Variants in EGFLAM observed in about 807,000 individuals in gnomAD.
The protein encoded by EGFLAM is pikachurin.
In EGFLAM, 79 loss-of-function variants were observed where a neutral mutation model predicts 113.1. The ratio of observed to expected loss-of-function variants is 0.70; its 90% CI spans 0.58 to 0.84. EGFLAM has a LOEUF of 0.84. EGFLAM is among the 40% of genes least tolerant of loss of function. The pLI is 0.00. For synonymous variants in EGFLAM, 504 were observed against 487.6 expected (o/e 1.03, Z -0.44); for missense variants, 1,265 against 1,291.6 (o/e 0.98, Z 0.32).
At chr5:38,263,358 A>C (rs1180407592) in intron 1 of EGFLAM, among the ~76,000 whole-genome samples, 3 of 152,196 alleles carry the variant, frequency 2.0e-5, no homozygotes, top group Non-Finnish European at 4.4e-5. Flanking sequence ...GCTACTTGGG[A>C]GGCTGAGGCA....
chr5:38,271,989 G>C (rs567913654), intron 1 of EGFLAM, among the ~76,000 whole-genome samples: 4 of 152,308 alleles, frequency 2.6e-5, no homozygotes, highest in African/African-American at 9.6e-5. Flanking sequence ...TACAGAAAAA[G>C]TGTCACTTCC....
At chr5:38,379,641 A>G (rs1740458084) in intron 6 of EGFLAM, among the ~76,000 whole-genome samples, 1 of 148,298 alleles carries the variant, frequency 6.7e-6, no homozygotes, top group Admixed American at 6.7e-5. Flanking sequence ...CTCAGTGTGA[A>G]GCAATCAGCC....
chr5:38,451,368 A>G lies in EGFLAM; in HGVS notation c.2597A>G (p.Asp866Gly), dbSNP rs1325143397. ...ATGAGGTTTAAAACAACTGCCAAGG[A>G]TGGCCTTTTGCTGTGGAGGGGAGAC... is the stretch of plus-strand genomic sequence containing the variant. ...VFMRFKTTAK[D>G]GLLLWRGDSP... Residue 866 changes from aspartate to glycine, a missense_variant, in exon 19 of 22, where the codon GAT (aspartate) becomes GGT (glycine). Asp to Gly is a moderately conservative substitution (Grantham distance 94, BLOSUM62 -1). Coordinates refer to ENST00000322350, the MANE Select transcript of EGFLAM (RefSeq NM_152403.4). 1.2e-6 allele frequency: 2 copies of G among 1,614,102 alleles called. No individual in the cohort carries two copies. Among genetic ancestry groups the G allele is most frequent in the African/African-American group, 2.7e-5 (2 of 74,952 alleles).
At chr5:38,451,267 C>G (rs1742903317) in intron 18 of EGFLAM, 48 bp from the exon 19 acceptor site, 1 of 1,593,240 alleles carries the variant, frequency 6.3e-7, no homozygotes, top group Non-Finnish European at 8.6e-7. Flanking sequence ...TACTCGGAAA[C>G]AGATGTTGGT....
intron 14 of EGFLAM, among the ~76,000 whole-genome samples, chr5:38,430,950 T>TC (rs1211300324): frequency 6.6e-6 from 1 of 151,986 alleles, no homozygotes; most frequent in Admixed American, 6.6e-5. Flanking sequence ...AGAGAGCACT[T>TC]CCCCCCTCCT....
intron 6 of EGFLAM, among the ~76,000 whole-genome samples, chr5:38,377,097 G>A (rs1478706600): frequency 6.6e-6 from 1 of 151,550 alleles, no homozygotes; most frequent in Non-Finnish European, 1.5e-5. Context: ...CCATATTGGA[G>A]CTGGAATAAC....
chr5:38,291,817 C>T (rs1446243994), intron 1 of EGFLAM, among the ~76,000 whole-genome samples: 1 of 152,190 alleles, frequency 6.6e-6, no homozygotes, highest in African/African-American at 2.4e-5. Context: ...TTGCACTTTT[C>T]ATAGTCTAAG....
intron 9 of EGFLAM, 148 bp downstream of exon 9, chr5:38,408,053 A>G: frequency 1.6e-6 from 1 of 615,826 alleles, no homozygotes; most frequent in Non-Finnish European, 2.9e-6. Context: ...AAACCAGCTC[A>G]TGAGACAATA....
chr5:38,434,490 A>G (rs187536273), intron 15 of EGFLAM, among the ~76,000 whole-genome samples: 139 of 152,382 alleles, frequency 9.1e-4, no homozygotes, highest in African/African-American at 3.3e-3. Flanking sequence ...TGTTAAATCA[A>G]TGATCAAAGC....
At chr5:38,360,558 C>T (rs1739892671) in intron 5 of EGFLAM, among the ~76,000 whole-genome samples, 1 of 152,190 alleles carries the variant, frequency 6.6e-6, no homozygotes, top group South Asian at 2.1e-4. Context: ...CAAACCTTGT[C>T]TCTACCACTT....
rs1191295661 is a variant in EGFLAM, at chr5:38,462,963, T to C, written c.2827T>C (p.Ser943Pro). ...VDDYGARTGK[S>P]PGMMRQLNIN... ...TGACTATGGAGCCAGAACAGGCAAA[T>C]CCCCAGGCATGATGCGGCAGCTTAA... Residue 943 changes from serine (S) to proline (P), a missense_variant, in exon 21 of 22, where the codon TCC becomes CCC. Physicochemically the swap from Ser to Pro is moderately conservative, Grantham distance 74 (BLOSUM62 -1). Coordinates refer to ENST00000322350, the MANE Select transcript of EGFLAM (RefSeq NM_152403.4). 1 of 1,613,938 alleles carries C rather than the reference T, an allele frequency of 6.2e-7. No homozygotes were observed. Among genetic ancestry groups the C allele is most frequent in the Non-Finnish European group, 8.5e-7 (1 of 1,180,014 alleles).
chr5:38,325,640 A>G (rs1738859840), intron 1 of EGFLAM, among the ~76,000 whole-genome samples: 2 of 152,224 alleles, frequency 1.3e-5, no homozygotes, highest in South Asian at 4.1e-4. Context: ...GAAATACAAA[A>G]TACTCTTTTT....
chr5:38,393,817 A>G (rs1047820534), intron 6 of EGFLAM, among the ~76,000 whole-genome samples: 1 of 152,232 alleles, frequency 6.6e-6, no homozygotes, highest in African/African-American at 2.4e-5. Context: ...GGGACAGCCA[A>G]TAGCCAACCA....
At chr5:38,317,061 A>C (rs1738615673) in intron 1 of EGFLAM, among the ~76,000 whole-genome samples, 3 of 152,196 alleles carry the variant, frequency 2.0e-5, no homozygotes, top group African/African-American at 7.2e-5. Flanking sequence ...GAAGTCAGAG[A>C]GACCCACGGT....
At chr5:38,322,793 G>A (rs1738776003) in intron 1 of EGFLAM, among the ~76,000 whole-genome samples, 1 of 152,218 alleles carries the variant, frequency 6.6e-6, no homozygotes, top group Non-Finnish European at 1.5e-5. Context: ...TGATTGTGAT[G>A]TGTAGGGTAA....
intron 15 of EGFLAM, among the ~76,000 whole-genome samples, chr5:38,434,457 T>C (rs1742283177): frequency 6.6e-6 from 1 of 152,244 alleles, no homozygotes; most frequent in African/African-American, 2.4e-5. Context: ...TGGGGCATAT[T>C]GTAGTATGTG....
chr5:38,272,397 G>A (rs180832411), intron 1 of EGFLAM, among the ~76,000 whole-genome samples: 151 of 152,344 alleles, frequency 9.9e-4, no homozygotes, highest in African/African-American at 3.6e-3. Context: ...AAAGGAAAGA[G>A]AGGCTTGTGT....
chr5:38,390,070 G>GA (rs1355206304), intron 6 of EGFLAM, among the ~76,000 whole-genome samples: 16 of 152,048 alleles, frequency 1.1e-4, no homozygotes, highest in African/African-American at 3.6e-4. Context: ...TTCAGTGGTA[G>GA]AGAAAAAAAT....
intron 1 of EGFLAM, among the ~76,000 whole-genome samples, chr5:38,298,189 A>T (rs547960996): frequency 4.6e-5 from 7 of 152,272 alleles, no homozygotes; most frequent in Admixed American, 2.0e-4. Context: ...ACTAGCAATG[A>T]GTCTTTCTTT....
Sources: allele counts gnomAD v4.1 joint callset (sites outside exome capture counted in the v4.1 genomes callset), GRCh38; gene constraint gnomAD v4.1.1; transcripts MANE v1.5; gene names NCBI Gene and HGNC (gene_info 2026-07-23, HGNC 2026-07-21).